DNASE1L3: variants seen among roughly 807,000 people sequenced by gnomAD.
DNASE1L3 encodes deoxyribonuclease gamma.
DNASE1L3 carries 27 observed loss-of-function variants against 30.9 expected under a neutral mutation model. The ratio of observed to expected loss-of-function variants is 0.87; its 90% CI spans 0.64 to 1.20. The LOEUF is 1.20. Among genes scored for constraint, DNASE1L3 ranks in the 50% most tolerant of loss-of-function variants. DNASE1L3 has a pLI of 0.00. For missense variants in DNASE1L3, 364 were observed against 378.2 expected, an observed-to-expected ratio of 0.96 and a Z score of 0.31; for synonymous variants, 135 against 138.0, an observed-to-expected ratio of 0.98 and a Z score of 0.15.
chr3:58,207,441 AC>A (rs751811685), intron 2 of DNASE1L3, among the ~76,000 whole-genome samples: 7,878 of 33,246 alleles, frequency 0.24, 338 homozygotes, highest in Middle Eastern at 0.31. Flanking sequence ...CTCTGATCAC[AC>A]CCCCCCCCCC....
intron 1 of DNASE1L3, among the ~76,000 whole-genome samples, chr3:58,209,969 G>C (rs982534981): frequency 1.4e-4 from 22 of 152,138 alleles, no homozygotes. Flanking sequence ...TCCAGAGAAA[G>C]CAAGCAGTGT....
At chr3:58,202,668 T>A (rs985093417) in intron 4 of DNASE1L3, among the ~76,000 whole-genome samples, 7 of 151,724 alleles carry the variant, frequency 4.6e-5, no homozygotes, top group Middle Eastern at 3.4e-3. Flanking sequence ...AGCCTGACCA[T>A]CATGGAGAAA....
At chr3:58,203,372 G>T (rs1356471625) in intron 4 of DNASE1L3, among the ~76,000 whole-genome samples, 4 of 152,186 alleles carry the variant, frequency 2.6e-5, no homozygotes, top group African/African-American at 9.7e-5. Context: ...CCCTCTGTAT[G>T]GCTGACTTCT....
intron 6 of DNASE1L3, among the ~76,000 whole-genome samples, chr3:58,194,596 C>G (rs1395381329): frequency 6.7e-6 from 1 of 148,338 alleles, no homozygotes; most frequent in Non-Finnish European, 1.5e-5. Context: ...CTGGGATTAC[C>G]GGTGTAAGCC....
chr3:58,203,482 A>G (rs2107376527), intron 4 of DNASE1L3, among the ~76,000 whole-genome samples: 1 of 152,308 alleles, frequency 6.6e-6, no homozygotes, highest in South Asian at 2.1e-4. Flanking sequence ...TCTTGACTCC[A>G]TCGAGCATTG....
At chr3:58,194,314 CTTTTTTT>C (rs11358965) in intron 6 of DNASE1L3, among the ~76,000 whole-genome samples, 8 of 89,064 alleles carry the variant, frequency 9.0e-5, no homozygotes, top group Admixed American at 1.5e-4. Flanking sequence ...GCACAACTAA[CTTTTTTT>C]TTTTTTTTTT....
intron 5 of DNASE1L3, among the ~76,000 whole-genome samples, chr3:58,199,908 A>G (rs931219537): frequency 2.0e-5 from 3 of 152,206 alleles, no homozygotes; most frequent in African/African-American, 7.2e-5. Context: ...CTGATGGACT[A>G]TGTTCACACT....
chr3:58,204,799 A>G lies in DNASE1L3; in HGVS notation c.403T>C (p.Phe135Leu), dbSNP rs2097402905. 1.9e-6 allele frequency: 3 copies of G among 1,614,004 alleles called. No homozygotes were observed. The highest frequency in any genetic ancestry group is 1.7e-5 in the Admixed American group (1 of 59,998). Residue 135 changes from phenylalanine to leucine, a missense_variant, in exon 4 of 8, where the codon TTT (phenylalanine) becomes CTT (leucine). Phe to Leu is a conservative substitution (Grantham distance 22, BLOSUM62 0). Transcript: ENST00000394549. The part of the protein sequence containing the change: ...GDADVFSREP[F>L]VVWFQSPHTA... ...TGGGGAGATTGGAACCAGACCACAA[A>G]GGGCTCCCTGGAAAACACATCTGCG...
chr3:58,208,204 C>T lies in DNASE1L3; in HGVS notation c.230+14G>A. On this transcript the variant is annotated intron_variant, in intron 2 of 7. Transcript: ENST00000394549. The stretch of plus-strand genomic sequence containing the variant: ...GACCTTGAGCCCTAGAGGGCCCACC[C>T]TTCCCCATGTTACCTGTTCAGCTTC... The T allele has an allele frequency of 4.3e-6, 7 of 1,613,794 alleles. No individual in the cohort carries two copies. Among genetic ancestry groups the T allele is most frequent in the Non-Finnish European group, 5.9e-6 (7 of 1,179,722 alleles).
intron 1 of DNASE1L3, among the ~76,000 whole-genome samples, chr3:58,209,781 C>T (rs574326277): frequency 2.6e-5 from 4 of 152,334 alleles, no homozygotes; most frequent in Admixed American, 1.3e-4. Context: ...AGGGGCAGGG[C>T]CTCCCAAGCT....
intron 7 of DNASE1L3, 99 bp downstream of exon 7, chr3:58,193,244 T>G: frequency 6.7e-7 from 1 of 1,496,942 alleles, no homozygotes; most frequent in Non-Finnish European, 9.2e-7. Context: ...GCCCAGCTAA[T>G]TTTTTTGAAT....
At chr3:58,196,212 G>A (rs1260141144) in intron 6 of DNASE1L3, among the ~76,000 whole-genome samples, 1 of 151,954 alleles carries the variant, frequency 6.6e-6, no homozygotes, top group Non-Finnish European at 1.5e-5. Flanking sequence ...ACTTTGCAGA[G>A]TGATAACTTC....
rs535141167 is a variant in DNASE1L3, at chr3:58,205,653, A to G, written c.231-93T>C. ...TTTCCAATCTGCCTCCATACGCCCA[A>G]TGGCATCATGTGGAAGGGCCACTGT... On this transcript the variant is annotated intron_variant, in intron 2 of 7. Coordinates refer to ENST00000394549, the MANE Select transcript of DNASE1L3 (RefSeq NM_004944.4). 94 of 1,044,900 alleles carry G rather than the reference A, an allele frequency of 9.0e-5. No homozygotes were observed. The African/African-American group carries it at 1.1e-3, about 12-fold the overall frequency. 64.7% of individuals were successfully genotyped at this position (1,044,900 alleles called of 1,614,324 possible). A position where few individuals can be genotyped will look rare whatever the true frequency, so the allele number is the denominator to read the frequency against.
At chr3:58,199,171 T>G (rs752134285) in intron 5 of DNASE1L3, among the ~76,000 whole-genome samples, 2 of 152,236 alleles carry the variant, frequency 1.3e-5, no homozygotes, top group Non-Finnish European at 2.9e-5. Context: ...TTAACCTCAG[T>G]GATCACCAGC....
At chr3:58,203,215 C>G (rs2097401903) in intron 4 of DNASE1L3, among the ~76,000 whole-genome samples, 1 of 152,206 alleles carries the variant, frequency 6.6e-6, no homozygotes, top group South Asian at 2.1e-4. Context: ...ATCCAGGGCC[C>G]CACGTGTCCT....
At chr3:58,204,691 T>C (rs140634718) in intron 4 of DNASE1L3, 78 bp downstream of exon 4, 7 of 1,218,076 alleles carry the variant, frequency 5.7e-6, no homozygotes, top group Non-Finnish European at 8.4e-6. Context: ...GCCTCCTTAA[T>C]GGGCTCATGC....
rs1400279344 is a variant in DNASE1L3 at position 58,197,891 on chromosome 3, TG to T, written c.633del (p.Arg212GlyfsTer5). The T allele has an allele frequency of 6.2e-7, 1 of 1,614,050 alleles. No homozygotes were observed. Among genetic ancestry groups the T allele is most frequent in the African/African-American group, 1.3e-5 (1 of 74,902 alleles). ...AWKNIRLRTD[P>X]RFVWLIGDQE... ...TGGTCCCCGATCAGCCAAACAAACCTGGGGTCAGTCCTCAAGCGGATGTTCT... is the reference window on the plus strand; with the variant it reads ...TGGTCCCCGATCAGCCAAACAAACCTGGGTCAGTCCTCAAGCGGATGTTCT... On this transcript the variant is annotated frameshift_variant, in exon 6 of 8. Transcript: ENST00000394549. LOFTEE classifies it high-confidence loss of function. The surrounding 1 kb of genome is among the most constrained non-coding windows in gnomAD (Gnocchi z 5.3).
rs1272148136 is a variant in DNASE1L3, at chr3:58,210,942, G to A, written c.-36C>T. The A allele has an allele frequency of 1.2e-6, 2 of 1,610,816 alleles. No individual in the cohort carries two copies. The highest frequency in any genetic ancestry group is 1.7e-6 in the Non-Finnish European group (2 of 1,178,860). ...CTCTGGCTTCAAGACTCTGTGAGAA[G>A]ACAGCAGTGCTTGGAGTGCTGGATT... is the stretch of plus-strand genomic sequence containing the variant. On this transcript the variant is annotated 5_prime_UTR_variant, in exon 1 of 8. Coordinates refer to ENST00000394549, the MANE Select transcript of DNASE1L3 (RefSeq NM_004944.4).
At chr3:58,207,767 T>C in intron 2 of DNASE1L3, 1 of 162,482 alleles carries the variant, frequency 6.2e-6, no homozygotes. Context: ...GCTCAAGCGA[T>C]CCTCCCACCT....
Sources: allele counts gnomAD v4.1 joint callset (sites outside exome capture counted in the v4.1 genomes callset), GRCh38; gene constraint gnomAD v4.1.1; non-coding constraint Gnocchi (gnomAD v3.1); transcripts MANE v1.5; gene names NCBI Gene and HGNC (gene_info 2026-07-23, HGNC 2026-07-21).